B3GALT1: variants seen among roughly 807,000 people sequenced by gnomAD.
B3GALT1 encodes beta-1,3-galactosyltransferase 1, also known as UDP-Gal:betaGlcNAc beta 1,3-galactosyltransferase, polypeptide 1.
Under a neutral mutation model 23.2 loss-of-function variants are expected in B3GALT1, and 10 were observed. That is an observed-to-expected ratio of 0.43 (90% CI 0.27 to 0.73). The LOEUF is 0.73. Among genes scored for constraint, B3GALT1 ranks in the 30% least tolerant of loss-of-function variants. B3GALT1 has a pLI of 0.21. For synonymous variants in B3GALT1, 156 were observed against 141.5 expected (o/e 1.10, Z -0.73); for missense variants, 299 against 405.4 (o/e 0.74, Z 2.25).
chr2:167,407,435 G>C (rs1698302224), intron 1 of B3GALT1, among the ~76,000 whole-genome samples: 1 of 151,862 alleles, frequency 6.6e-6, no homozygotes, highest in South Asian at 2.1e-4. Context: ...CAAGGAACTA[G>C]AAAAGCAAGA....
chr2:167,550,995 A>G (rs1189501279), intron 2 of B3GALT1, among the ~76,000 whole-genome samples: 1 of 152,096 alleles, frequency 6.6e-6, no homozygotes, highest in Non-Finnish European at 1.5e-5. Flanking sequence ...GCCATCCCCC[A>G]CGGCCCACAG....
chr2:167,370,012 ATTTGTTTG>A (rs965600485), intron 1 of B3GALT1, among the ~76,000 whole-genome samples: 1 of 152,122 alleles, frequency 6.6e-6, no homozygotes, highest in African/African-American at 2.4e-5. Flanking sequence ...TATTCTGTAT[ATTTGTTTG>A]TTTGTTTGTT....
chr2:167,400,032 G>A (rs983673059), intron 1 of B3GALT1, among the ~76,000 whole-genome samples: 2 of 151,944 alleles, frequency 1.3e-5, no homozygotes, highest in South Asian at 4.1e-4. Context: ...TATCACTTCA[G>A]TATTATGTAG....
intron 1 of B3GALT1, among the ~76,000 whole-genome samples, chr2:167,363,649 A>G (rs944285820): frequency 5.9e-5 from 9 of 152,154 alleles, no homozygotes; most frequent in Non-Finnish European, 1.0e-4. Flanking sequence ...AAATTAAGGT[A>G]CATTTTCCCA....
chr2:167,779,372 G>A (rs1688211545), intron 3 of B3GALT1, among the ~76,000 whole-genome samples: 1 of 152,144 alleles, frequency 6.6e-6, no homozygotes, highest in African/African-American at 2.4e-5. Context: ...GAAGCTAGTG[G>A]AAATGTCTCA....
At chr2:167,315,544 T>C (rs571143822) in intron 1 of B3GALT1, among the ~76,000 whole-genome samples, 26 of 152,268 alleles carry the variant, frequency 1.7e-4, no homozygotes, top group Admixed American at 3.9e-4. Flanking sequence ...CACAGTTCTG[T>C]CTGGAAAATG....
intron 1 of B3GALT1, among the ~76,000 whole-genome samples, chr2:167,428,909 A>G (rs1698663112): frequency 1.3e-5 from 2 of 152,278 alleles, no homozygotes; most frequent in Admixed American, 6.5e-5. Flanking sequence ...TAATTAATAA[A>G]TATATTTATC....
chr2:167,868,059 G>T lies in B3GALT1; in HGVS notation c.-229-752G>T, dbSNP rs10189565. ...TCATCAAGGGAACACATGGGTGAAT[G>T]GTTGAAAACCATAAAAAGTGACACC... On this transcript the variant is annotated intron_variant, in intron 4 of 4. Coordinates refer to ENST00000392690, the MANE Select transcript of B3GALT1 (RefSeq NM_020981.4). Among the ~76,000 whole-genome samples the T allele has an allele frequency of 9.0e-3, 1,378 of 152,322 alleles. 20 individuals carry two copies. Among genetic ancestry groups the T allele is most frequent in the African/African-American group, 0.031 (1,299 of 41,566 alleles).
chr2:167,713,789 G>A, intron 3 of B3GALT1: 2 of 1,593,016 alleles, frequency 1.3e-6, no homozygotes, highest in Middle Eastern at 1.7e-4. Flanking sequence ...AAAGTAAGGA[G>A]GTAAACCCCT....
intron 2 of B3GALT1, among the ~76,000 whole-genome samples, chr2:167,643,278 T>C (rs538713575): frequency 1.3e-5 from 2 of 152,218 alleles, no homozygotes; most frequent in Admixed American, 6.5e-5. Flanking sequence ...ATTTTTGGGA[T>C]ATTATCTCTT....
chr2:167,517,432 A>G (rs879548449), intron 2 of B3GALT1, among the ~76,000 whole-genome samples: 2 of 152,052 alleles, frequency 1.3e-5, no homozygotes, highest in African/African-American at 4.8e-5. Flanking sequence ...AAAAATAGCA[A>G]CTATTATACT....
At chr2:167,460,733 T>C (rs1422907593) in intron 1 of B3GALT1, among the ~76,000 whole-genome samples, 1 of 152,120 alleles carries the variant, frequency 6.6e-6, no homozygotes, top group Non-Finnish European at 1.5e-5. Context: ...ATAAATTGAT[T>C]CTTCCTCTTT....
chr2:167,556,468 A>G (rs1317250708), intron 2 of B3GALT1, among the ~76,000 whole-genome samples: 2 of 152,196 alleles, frequency 1.3e-5, no homozygotes, highest in South Asian at 2.1e-4. Context: ...AAAATGGACT[A>G]TAAGGACACC....
chr2:167,411,441 A>G (rs1194453563), intron 1 of B3GALT1, among the ~76,000 whole-genome samples: 1 of 152,078 alleles, frequency 6.6e-6, no homozygotes, highest in Non-Finnish European at 1.5e-5. Context: ...AAAGATCTGA[A>G]CAGGCATTTC....
chr2:167,669,472 C>T (rs970999662), intron 3 of B3GALT1, among the ~76,000 whole-genome samples: 2 of 151,978 alleles, frequency 1.3e-5, no homozygotes, highest in African/African-American at 4.8e-5. Flanking sequence ...ATGGACAATT[C>T]AAGGAATTTC....
chr2:167,681,062 C>T (rs1424680703), intron 3 of B3GALT1, among the ~76,000 whole-genome samples: 1 of 152,086 alleles, frequency 6.6e-6, no homozygotes, highest in Non-Finnish European at 1.5e-5. Context: ...ACAACAAAGG[C>T]TGTGACAAGG....
chr2:167,555,298 C>G (rs1683824679), intron 2 of B3GALT1, among the ~76,000 whole-genome samples: 1 of 152,108 alleles, frequency 6.6e-6, no homozygotes, highest in Non-Finnish European at 1.5e-5. Flanking sequence ...TAAATCTCAC[C>G]ATAGTCTCAC....
At chr2:167,439,386 G>C (rs538723971) in intron 1 of B3GALT1, among the ~76,000 whole-genome samples, 40 of 151,976 alleles carry the variant, frequency 2.6e-4, no homozygotes, top group Admixed American at 1.8e-3. Context: ...TTCCTAATAT[G>C]TCATTTTGTA....
At chr2:167,488,128 G>A (rs528604221) in intron 1 of B3GALT1, among the ~76,000 whole-genome samples, 1 of 152,114 alleles carries the variant, frequency 6.6e-6, no homozygotes, top group Non-Finnish European at 1.5e-5. Flanking sequence ...GCATATATAG[G>A]GTTGGTTTAA....
Sources: allele counts gnomAD v4.1 joint callset (sites outside exome capture counted in the v4.1 genomes callset), GRCh38; gene constraint gnomAD v4.1.1; transcripts MANE v1.5; gene names NCBI Gene and HGNC (gene_info 2026-07-23, HGNC 2026-07-21).